The following BCO1 variants were observed in gnomAD, a reference collection of about 807,000 sequenced individuals.
BCO1 encodes beta,beta-carotene 15,15'-dioxygenase.
BCO1 carries 54 observed loss-of-function variants against 56.3 expected under a neutral mutation model. The observed-to-expected ratio is 0.96, with a 90% confidence interval of 0.77 to 1.20. BCO1 has a LOEUF of 1.20. BCO1 is among the 50% of genes most tolerant of loss of function. BCO1 has a pLI of 0.00. For missense variants in BCO1, 801 were observed against 690.9 expected (o/e 1.16, Z -1.79); for synonymous variants, 318 against 266.1 (o/e 1.20, Z -1.90).
intron 6 of BCO1, among the ~76,000 whole-genome samples, chr16:81,268,514 A>C (rs997762425): frequency 2.0e-5 from 3 of 152,292 alleles, no homozygotes; most frequent in Admixed American, 1.3e-4. Context: ...ACCAGTGTGT[A>C]GCGTTGGGGC....
At chr16:81,279,385 C>T (rs1371255167) in intron 7 of BCO1, among the ~76,000 whole-genome samples, 1 of 152,154 alleles carries the variant, frequency 6.6e-6, no homozygotes, top group Non-Finnish European at 1.5e-5. Flanking sequence ...CAATATCTTC[C>T]AGAGCCTAAC....
chr16:81,249,971 G>A (rs150703425), intron 2 of BCO1, among the ~76,000 whole-genome samples: 1,847 of 152,270 alleles, frequency 0.012, 37 homozygotes, highest in Non-Finnish European at 0.014. Flanking sequence ...ATATGGAGCT[G>A]AGATGGTACA....
intron 7 of BCO1, 74 bp downstream of exon 7, chr16:81,270,490 A>G (rs1907127918): frequency 6.3e-7 from 1 of 1,586,514 alleles, no homozygotes; most frequent in East Asian, 2.2e-5. Context: ...TTTGGCCCTT[A>G]TTTGATTGAC....
At chr16:81,255,538 T>A in intron 2 of BCO1, among the ~76,000 whole-genome samples, 1 of 152,020 alleles carries the variant, frequency 6.6e-6, no homozygotes, top group African/African-American at 2.4e-5. Context: ...CTCGCTCTGT[T>A]GCCCAGGCTG....
Position 81,269,065 on chromosome 16 carries a change from C to CTTTT in BCO1, c.843+954_843+957dup, listed in dbSNP as rs71146003. On this transcript the variant is annotated intron_variant, in intron 6 of 10. Transcript: ENST00000258168. ...ACATGTGTGAGCCATTGCACCTGGT[C>CTTTT]TTTTTTTTTTTTTTTTTTTTTTTGC... is the stretch of plus-strand genomic sequence containing the variant. Among the ~76,000 whole-genome samples, 253 of 83,074 alleles carry CTTTT rather than the reference C, an allele frequency of 3.0e-3. 16 individuals are homozygous for CTTTT. Among genetic ancestry groups the CTTTT allele is most frequent in the African/African-American group, 0.011 (188 of 17,886 alleles). 54.5% of individuals were successfully genotyped at this position (83,074 alleles called of 152,430 possible). A position where few individuals can be genotyped will look rare whatever the true frequency, so the allele number is the denominator to read the frequency against.
At chr16:81,272,313 T>A (rs1201566218) in intron 7 of BCO1, among the ~76,000 whole-genome samples, 2 of 150,904 alleles carry the variant, frequency 1.3e-5, no homozygotes, top group African/African-American at 2.4e-5. Flanking sequence ...AGAGACAGGG[T>A]TTCACCGTGT....
intron 7 of BCO1, among the ~76,000 whole-genome samples, chr16:81,277,558 A>T (rs1907631634): frequency 6.6e-6 from 1 of 152,180 alleles, no homozygotes; most frequent in Non-Finnish European, 1.5e-5. Flanking sequence ...AAAAGTTATG[A>T]ATCACCACCC....
At chr16:81,254,295 AT>A (rs57961725) in intron 2 of BCO1, among the ~76,000 whole-genome samples, 349 of 78,266 alleles carry the variant, frequency 4.5e-3, no homozygotes, top group East Asian at 0.044. Flanking sequence ...CGCCCGGCTA[AT>A]TTTTTTTTTT....
In BCO1 at chr16:81,268,462, C is replaced by A. The variant is rs184281368; in HGVS notation, c.843+331C>A. On this transcript the variant is annotated intron_variant, in intron 6 of 10. Coordinates refer to ENST00000258168, the MANE Select transcript of BCO1 (RefSeq NM_017429.3). ...TCCTTATGGAGAGCTGGGCTCCTCC[C>A]CACCTCCGCCCTGTTGACAAGACCC... Among the ~76,000 whole-genome samples the A allele has an allele frequency of 5.9e-5, 9 of 152,320 alleles. No individual in the cohort carries two copies. In the East Asian group the frequency reaches 1.7e-3, roughly 29 times the overall value.
At chr16:81,287,189 C>G (rs1908232300) in intron 9 of BCO1, 106 bp from the exon 10 acceptor site, 2 of 873,788 alleles carry the variant, frequency 2.3e-6, no homozygotes, top group East Asian at 4.9e-5. Context: ...AGTCTACATC[C>G]GATGGGCTTC....
Position 81,290,598 on chromosome 16 carries a change from G to A in BCO1, c.*21G>A, listed in dbSNP as rs748997373. The A allele has an allele frequency of 1.3e-6, 2 of 1,590,856 alleles. No individual in the cohort carries two copies. The highest frequency in any genetic ancestry group is 4.5e-5 in the East Asian group (2 of 44,730). ...CCTGATGGTGTTGGGGTTTGGGTAG[G>A]GGAGGGGAGCTCGGCTGTCAGAACT... On this transcript the variant is annotated 3_prime_UTR_variant, in exon 11 of 11. Coordinates refer to ENST00000258168, the MANE Select transcript of BCO1 (RefSeq NM_017429.3).
chr16:81,263,942 G>T (rs192299684), intron 4 of BCO1: 1 of 156,086 alleles, frequency 6.4e-6, no homozygotes, highest in Non-Finnish European at 1.4e-5. Context: ...CAGGGCTACA[G>T]AGAGGAAATG....
At chr16:81,245,657 A>C in intron 2 of BCO1, 54 bp downstream of exon 2, 1 of 1,611,004 alleles carries the variant, frequency 6.2e-7, no homozygotes, top group Non-Finnish European at 8.5e-7. Context: ...CCCCAAATGC[A>C]GTGCCTTAAA....
At chr16:81,243,454 A>ATCATTCAT (rs149998320) in intron 1 of BCO1, among the ~76,000 whole-genome samples, 34,261 of 150,920 alleles carry the variant, frequency 0.23, 3,970 homozygotes, top group East Asian at 0.34. Flanking sequence ...CCTGGTCTTG[A>ATCATTCAT]TCATTCATTC....
intron 8 of BCO1, among the ~76,000 whole-genome samples, chr16:81,281,573 A>T (rs1174529822): frequency 6.6e-6 from 1 of 152,154 alleles, no homozygotes; most frequent in Non-Finnish European, 1.5e-5. Context: ...CTTCCTCTCA[A>T]CATCCACAAT....
intron 4 of BCO1, chr16:81,262,844 A>AAC (rs1906577288): frequency 1.3e-5 from 2 of 154,056 alleles, no homozygotes; most frequent in Admixed American, 6.3e-5. Flanking sequence ...AACAAAAAAA[A>AAC]AAAAAAAAAA....
Position 81,267,974 on chromosome 16 carries a change from C to T in BCO1, c.686C>T (p.Ser229Phe), listed in dbSNP as rs2151940543. 1 of 1,613,982 alleles carries T rather than the reference C, an allele frequency of 6.2e-7. No homozygotes were observed. Among genetic ancestry groups the T allele is most frequent in the South Asian group, 1.1e-5 (1 of 91,066 alleles). The change falls in exon 6 of 11, where the codon TCC becomes TTC. Residue 229 changes from serine to phenylalanine, a missense_variant. Physicochemically the swap from Ser to Phe is radical, Grantham distance 155. Coordinates refer to ENST00000258168, the MANE Select transcript of BCO1 (RefSeq NM_017429.3). ...GTGTTCTGCTCCATCCCATCCCGCTCCCTGCTCTCCCCAAGCTACTACCAC... is the reference window on the plus strand; with the variant it reads ...GTGTTCTGCTCCATCCCATCCCGCTTCCTGCTCTCCCCAAGCTACTACCAC... ...TEVFCSIPSR[S>F]LLSPSYYHSF...
intron 1 of BCO1, among the ~76,000 whole-genome samples, chr16:81,240,206 G>C (rs889410998): frequency 6.6e-6 from 1 of 151,968 alleles, no homozygotes; most frequent in Non-Finnish European, 1.5e-5. Flanking sequence ...TGAGAACATG[G>C]AAGGAAATAA....
intron 7 of BCO1, among the ~76,000 whole-genome samples, chr16:81,277,564 C>A (rs377245045): frequency 1.3e-5 from 2 of 152,256 alleles, no homozygotes; most frequent in East Asian, 3.9e-4. Flanking sequence ...TATGAATCAC[C>A]ACCCCGATTT....
Sources: gnomAD v4.1 joint callset for allele counts (sites outside exome capture counted in the v4.1 genomes callset) on GRCh38, gnomAD v4.1.1 for gene constraint, MANE v1.5 for transcripts, NCBI Gene and HGNC (gene_info 2026-07-23, HGNC 2026-07-21) for gene names.